The following GRAMD1B variants were observed in gnomAD, a reference collection of about 807,000 sequenced individuals.
GRAMD1B encodes protein Aster-B.
In GRAMD1B, 37 loss-of-function variants were observed where a neutral mutation model predicts 99.7. The observed-to-expected ratio is 0.37, with a 90% CI of 0.29 to 0.49. The LOEUF (loss-of-function observed/expected upper bound fraction) is 0.49. Among genes scored for constraint, GRAMD1B ranks in the 20% least tolerant of loss-of-function variants. The probability of loss-of-function intolerance (pLI) is 0.98; values close to 1 mark genes in which losing one functional copy is unlikely to be tolerated. For synonymous variants in GRAMD1B, 427 were observed against 387.6 expected (o/e 1.10, Z -1.19); for missense variants, 888 against 1,009.2 (o/e 0.88, Z 1.63).
intron 2 of GRAMD1B, chr11:123,560,287 G>C: frequency 1.8e-6 from 2 of 1,138,512 alleles, no homozygotes; most frequent in Non-Finnish European, 1.1e-6. Flanking sequence ...GTCTGTGAGG[G>C]AGTCAGAGGG....
chr11:123,399,522 A>C (rs1947583122), intron 1 of GRAMD1B, among the ~76,000 whole-genome samples: 1 of 152,170 alleles, frequency 6.6e-6, no homozygotes, highest in African/African-American at 2.4e-5. Flanking sequence ...TGTTTTCTAT[A>C]GTGGCTGTAC....
intron 2 of GRAMD1B, among the ~76,000 whole-genome samples, chr11:123,551,739 G>T (rs568170548): frequency 6.6e-6 from 1 of 152,298 alleles, no homozygotes; most frequent in East Asian, 1.9e-4. Flanking sequence ...GTAGCCACCT[G>T]TTGGTAGTTT....
intron 2 of GRAMD1B, among the ~76,000 whole-genome samples, chr11:123,527,081 T>G (rs540990747): frequency 5.3e-4 from 81 of 152,222 alleles, no homozygotes; most frequent in Admixed American, 2.4e-3. Flanking sequence ...GGGAGCTTTC[T>G]CCCTGAAGAG....
intron 1 of GRAMD1B, among the ~76,000 whole-genome samples, chr11:123,362,520 T>A (rs1265826612): frequency 6.6e-6 from 1 of 152,314 alleles, no homozygotes; most frequent in East Asian, 1.9e-4. Flanking sequence ...AACTTGCATT[T>A]ATTTTTTTAA....
intron 1 of GRAMD1B, among the ~76,000 whole-genome samples, chr11:123,413,726 C>A (rs375704976): frequency 1.3e-5 from 2 of 152,132 alleles, no homozygotes; most frequent in South Asian, 2.1e-4. Flanking sequence ...GTCCCACCCC[C>A]ACCCCAGCTT....
At chr11:123,519,432 A>C (rs1941980734) in intron 2 of GRAMD1B, among the ~76,000 whole-genome samples, 2 of 152,162 alleles carry the variant, frequency 1.3e-5, no homozygotes, top group Non-Finnish European at 2.9e-5. Context: ...GACTAGAAAG[A>C]GGCTTGTTGT....
chr11:123,566,771 C>T (rs77529841), intron 2 of GRAMD1B, among the ~76,000 whole-genome samples: 2 of 125,996 alleles, frequency 1.6e-5, no homozygotes, highest in South Asian at 5.2e-4. Flanking sequence ...ATCTCAAAAG[C>T]AAAAAAAAAA....
chr11:123,569,982 G>A (rs1245939976), intron 2 of GRAMD1B, among the ~76,000 whole-genome samples: 1 of 152,198 alleles, frequency 6.6e-6, no homozygotes, highest in African/African-American at 2.4e-5. Context: ...TTCCACATTA[G>A]CAATTCCTAT....
intron 2 of GRAMD1B, among the ~76,000 whole-genome samples, chr11:123,572,807 T>C (rs1948262351): frequency 2.7e-5 from 4 of 148,106 alleles, no homozygotes; most frequent in Admixed American, 2.7e-4. Flanking sequence ...GAGGCGCAGG[T>C]AGGCCCCGAT....
intron 2 of GRAMD1B, among the ~76,000 whole-genome samples, chr11:123,517,659 A>C (rs1941803073): frequency 6.6e-6 from 1 of 152,232 alleles, no homozygotes; most frequent in African/African-American, 2.4e-5. Flanking sequence ...GGGTGGTGTC[A>C]GTCCCTGTTC....
intron 15 of GRAMD1B, chr11:123,613,229 T>C (rs1050973234): frequency 2.8e-5 from 16 of 577,362 alleles, no homozygotes; most frequent in Non-Finnish European, 4.6e-5. Flanking sequence ...TACATGAGGG[T>C]GCAGATATTG....
intron 2 of GRAMD1B, among the ~76,000 whole-genome samples, chr11:123,513,515 T>TTTCCTTCCTTCCTTCCTTCC (rs58960047): frequency 1.7e-4 from 25 of 144,950 alleles, no homozygotes; most frequent in African/African-American, 6.8e-4. Flanking sequence ...TCTTTCTTTC[T>TTTCCTTCCTTCCTTCCTTCC]TTCCTTCCTT....
At chr11:123,413,905 G>T (rs751025600) in intron 1 of GRAMD1B, among the ~76,000 whole-genome samples, 19 of 152,184 alleles carry the variant, frequency 1.2e-4, no homozygotes, top group Admixed American at 4.6e-4. Context: ...GAAAAAAGTG[G>T]TTGTTCTGAG....
rs1042456541 is a variant in GRAMD1B, at chr11:123,610,103, G to C, written c.1777-93G>C. 1.2e-5 allele frequency: 14 copies of C among 1,180,484 alleles called. 1 individual carries two copies. The South Asian group carries it at 1.6e-4, about 14-fold the overall frequency. The allele number at this position is 1,180,484 out of a possible 1,614,324, so 73.1% of individuals were successfully genotyped here. ...CCTGGTTCTCCTGTTCAGAAGCCGT[G>C]GGGTGGGGTGGGCTTGGGGAGGCTG... is the stretch of plus-strand genomic sequence containing the variant. On this transcript the variant is annotated intron_variant, in intron 13 of 19. Transcript: ENST00000635736. The surrounding 1 kb of genome is among the most constrained non-coding windows in gnomAD (Gnocchi z 4.1).
chr11:123,419,750 T>TGAGAGA (rs1948363831), intron 1 of GRAMD1B, among the ~76,000 whole-genome samples: 1 of 133,008 alleles, frequency 7.5e-6, no homozygotes, highest in Admixed American at 7.7e-5. Context: ...TGTGTGTGAA[T>TGAGAGA]GAGAAAGAGA....
chr11:123,606,495 T>G (rs2136865886), intron 10 of GRAMD1B, 114 bp from the exon 11 acceptor site: 1 of 924,582 alleles, frequency 1.1e-6, no homozygotes, highest in East Asian at 2.6e-5. Flanking sequence ...ACTTCGCTCC[T>G]GAGCAGCTGA....
Position 123,589,614 on chromosome 11 carries a change from T to TTATACATATATATATATATA in GRAMD1B, c.685-4464_685-4463insCATATATATATATATATATA, listed in dbSNP as rs1555089175. Among the ~76,000 whole-genome samples the TTATACATATATATATATATA allele has an allele frequency of 7.7e-4, 99 of 128,262 alleles. 1 individual carries two copies. Among genetic ancestry groups the TTATACATATATATATATATA allele is most frequent in the African/African-American group, 3.3e-3 (94 of 28,536 alleles). The allele number at this position is 128,262 out of a possible 152,430, so 84.1% of individuals were successfully genotyped here. On this transcript the variant is annotated intron_variant, in intron 4 of 19. Transcript: ENST00000635736. Reference sequence around the variant, plus strand: ...ACCTGCCACCATGTGTGGCTAATTTTTATATATATATATATATATATATTT... The same window carrying TTATACATATATATATATATA: ...ACCTGCCACCATGTGTGGCTAATTTTTATACATATATATATATATATATATATATATATATATATATATTT...
chr11:123,511,455 C>T (rs1195692109), intron 2 of GRAMD1B, among the ~76,000 whole-genome samples: 2 of 152,056 alleles, frequency 1.3e-5, no homozygotes, highest in East Asian at 3.9e-4. Flanking sequence ...TCAAATCTCT[C>T]CTGGCTCCTG....
intron 2 of GRAMD1B, among the ~76,000 whole-genome samples, chr11:123,540,844 A>G (rs1277253476): frequency 1.3e-5 from 2 of 152,198 alleles, no homozygotes; most frequent in South Asian, 2.1e-4. Flanking sequence ...TTTCATAGTT[A>G]ATTTTAAGGA....
Sources: gnomAD v4.1 joint callset for allele counts (sites outside exome capture counted in the v4.1 genomes callset) on GRCh38, gnomAD v4.1.1 for gene constraint, Gnocchi (gnomAD v3.1) non-coding constraint, MANE v1.5 for transcripts, NCBI Gene and HGNC (gene_info 2026-07-23, HGNC 2026-07-21) for gene names.